BBX: variants seen among roughly 807,000 people sequenced by gnomAD.
The protein encoded by BBX is BBX high mobility group box domain containing, also known as HMG box transcription factor BBX.
Under a neutral mutation model 100.2 loss-of-function variants are expected in BBX, and 30 were observed. The observed-to-expected ratio is 0.30, with a 90% CI of 0.22 to 0.41. The LOEUF (loss-of-function observed/expected upper bound fraction) is 0.41, where lower values mean the gene tolerates loss of function less well. BBX is among the 10% of genes least tolerant of loss of function. The pLI, the probability that BBX is intolerant of heterozygous loss-of-function variation, is 1.00. For missense variants in BBX, 1,023 were observed against 1,129.8 expected (o/e 0.91, Z 1.35); for synonymous variants, 376 against 388.1 (o/e 0.97, Z 0.37).
chr3:107,526,579 G>T (rs1338420542), intron 2 of BBX, 181 bp downstream of exon 2: 1 of 386,528 alleles, frequency 2.6e-6, no homozygotes, highest in African/African-American at 2.1e-5. Flanking sequence ...TTCAGCTGTG[G>T]GTTATTATTA....
At chr3:107,636,903 T>C (rs1281446681) in intron 2 of BBX, among the ~76,000 whole-genome samples, 1 of 152,216 alleles carries the variant, frequency 6.6e-6, no homozygotes, top group Non-Finnish European at 1.5e-5. Context: ...TTAGTTTTAA[T>C]GGAAAACATA....
chr3:107,735,765 A>G (rs1459944374), intron 7 of BBX, among the ~76,000 whole-genome samples: 2 of 152,078 alleles, frequency 1.3e-5, no homozygotes, highest in African/African-American at 4.8e-5. Context: ...TTCTTGAGAT[A>G]TCAATCGCAA....
At chr3:107,711,877 T>C (rs1008755201) in intron 4 of BBX, among the ~76,000 whole-genome samples, 8 of 152,118 alleles carry the variant, frequency 5.3e-5, no homozygotes, top group Non-Finnish European at 8.8e-5. Flanking sequence ...CTATTTATCC[T>C]TTCTTTTTTT....
chr3:107,793,348 A>C (rs558880896), intron 15 of BBX, among the ~76,000 whole-genome samples: 1 of 152,140 alleles, frequency 6.6e-6, no homozygotes, highest in African/African-American at 2.4e-5. Context: ...ATATGAAACA[A>C]CTTTTGGAGA....
intron 2 of BBX, among the ~76,000 whole-genome samples, chr3:107,609,147 G>T (rs2054653689): frequency 6.6e-6 from 1 of 151,888 alleles, no homozygotes; most frequent in South Asian, 2.1e-4. Context: ...TAGAGGAAAG[G>T]CTTTTAGTTT....
intron 17 of BBX, among the ~76,000 whole-genome samples, chr3:107,801,573 C>T (rs932909223): frequency 2.6e-5 from 4 of 152,142 alleles, no homozygotes; most frequent in African/African-American, 9.7e-5. Context: ...GCTTTGGAGT[C>T]CCATTGCAGA....
intron 2 of BBX, among the ~76,000 whole-genome samples, chr3:107,633,200 A>G (rs994077233): frequency 6.6e-6 from 1 of 152,118 alleles, no homozygotes; most frequent in African/African-American, 2.4e-5. Context: ...TTCAAAAAAC[A>G]GTTATATGAA....
intron 3 of BBX, among the ~76,000 whole-genome samples, chr3:107,658,252 A>G (rs777673871): frequency 6.6e-6 from 1 of 152,178 alleles, no homozygotes; most frequent in African/African-American, 2.4e-5. Context: ...CTCATCTTCT[A>G]TAAATGTAGT....
intron 7 of BBX, among the ~76,000 whole-genome samples, chr3:107,744,195 A>C (rs1048182174): frequency 3.9e-5 from 6 of 152,098 alleles, no homozygotes; most frequent in Non-Finnish European, 5.9e-5. Context: ...GTTGGGGATA[A>C]TGCATTAAAT....
At position 107,773,497 on chromosome 3, in the gene BBX, C is replaced by T; in HGVS notation, c.1776C>T (p.Ala592=). ...TACCACCCAGCCTATCAGGACAGGC[C>T]AAGCCTGAGGACAGTGACTGTCACA... The part of the protein sequence containing the change: ...DALPPSLSGQ[A]KPEDSDCHRK... The change falls in exon 11 of 18, where the codon GCC becomes GCT. Residue 592 remains alanine (A), a synonymous_variant. Coordinates refer to ENST00000325805, the MANE Select transcript of BBX (RefSeq NM_001142568.3). The surrounding 1 kb of genome is among the most constrained non-coding windows in gnomAD (Gnocchi z 4.1). 1.2e-6 allele frequency: 2 copies of T among 1,614,068 alleles called. No homozygotes were observed. The highest frequency in any genetic ancestry group is 1.1e-5 in the South Asian group (1 of 91,078).
At chr3:107,575,682 A>G in intron 2 of BBX, among the ~76,000 whole-genome samples, 1 of 152,190 alleles carries the variant, frequency 6.6e-6, no homozygotes, top group Non-Finnish European at 1.5e-5. Context: ...ATATCTAACA[A>G]TATCTGATGA....
At chr3:107,720,700 G>A (rs555188545) in intron 5 of BBX, among the ~76,000 whole-genome samples, 37 of 152,090 alleles carry the variant, frequency 2.4e-4, no homozygotes, top group African/African-American at 7.9e-4. Flanking sequence ...CCCTTTGAAA[G>A]TGTTGGTATC....
intron 10 of BBX, 129 bp from the exon 11 acceptor site, chr3:107,772,499 G>C: frequency 2.0e-6 from 2 of 1,003,492 alleles, no homozygotes; most frequent in Non-Finnish European, 2.8e-6. Context: ...GCAGAAGTGG[G>C]CTGATTGTTG....
At chr3:107,718,287 TATAATA>T (rs1648130264) in intron 5 of BBX, among the ~76,000 whole-genome samples, 1 of 147,556 alleles carries the variant, frequency 6.8e-6, no homozygotes, top group Admixed American at 6.8e-5. Flanking sequence ...GATTGTTAAT[TATAATA>T]GTATTAATAT....
intron 6 of BBX, among the ~76,000 whole-genome samples, chr3:107,732,177 C>CA (rs2063357338): frequency 1.3e-5 from 2 of 152,134 alleles, no homozygotes. Context: ...CTTGGCCTCC[C>CA]AAAGTGCTGG....
intron 3 of BBX, among the ~76,000 whole-genome samples, chr3:107,704,634 C>T (rs1221946175): frequency 1.3e-5 from 2 of 152,180 alleles, no homozygotes; most frequent in South Asian, 2.1e-4. Context: ...AACAAACCCA[C>T]TCTGGTGATG....
At chr3:107,797,807 A>G (rs543381286) in intron 15 of BBX, among the ~76,000 whole-genome samples, 37 of 152,306 alleles carry the variant, frequency 2.4e-4, no homozygotes, top group African/African-American at 8.4e-4. Context: ...GGAGTGTGCT[A>G]TCAAATGATT....
chr3:107,649,402 G>A (rs1476693049), intron 3 of BBX, among the ~76,000 whole-genome samples: 2 of 152,120 alleles, frequency 1.3e-5, no homozygotes, highest in African/African-American at 4.8e-5. Flanking sequence ...AAAGCATTTG[G>A]GTGATTATAT....
chr3:107,684,400 T>A (rs1396734481), intron 3 of BBX, among the ~76,000 whole-genome samples: 1 of 152,184 alleles, frequency 6.6e-6, no homozygotes, highest in African/African-American at 2.4e-5. Context: ...GATATTTTTT[T>A]TCTGAGGTAA....
Sources: allele counts gnomAD v4.1 joint callset (sites outside exome capture counted in the v4.1 genomes callset), GRCh38; gene constraint gnomAD v4.1.1; non-coding constraint Gnocchi (gnomAD v3.1); transcripts MANE v1.5; gene names NCBI Gene and HGNC (gene_info 2026-07-23, HGNC 2026-07-21).